Variants in RP1 observed in about 807,000 individuals in gnomAD.
The protein encoded by RP1 is oxygen-regulated protein 1.
RP1 carries 16 observed loss-of-function variants against 14.8 expected under a neutral mutation model. That is an observed-to-expected ratio of 1.08 (90% CI 0.73 to 1.65). The LOEUF is 1.65. Among genes scored for constraint, RP1 ranks in the 40% most tolerant of loss-of-function variants. RP1 has a pLI of 0.00. For synonymous variants in RP1, 876 were observed against 883.6 expected, an observed-to-expected ratio of 0.99 and a Z score of 0.15; for missense variants, 2,631 against 2,535.0, an observed-to-expected ratio of 1.04 and a Z score of -0.81.
intron 1 of RP1, among the ~76,000 whole-genome samples, chr8:54,600,188 T>C (rs776302977): frequency 6.6e-6 from 1 of 152,068 alleles, no homozygotes; most frequent in Non-Finnish European, 1.5e-5. Context: ...GTAAGTCTCA[T>C]GAGATCTGAT....
At chr8:54,864,356 G>C (rs142875906) in intron 27 of RP1, among the ~76,000 whole-genome samples, 2 of 152,178 alleles carry the variant, frequency 1.3e-5, no homozygotes, top group African/African-American at 4.8e-5. Context: ...TGCTTCCTCT[G>C]TATTATAAAT....
chr8:54,759,341 G>C (rs1379340704), intron 22 of RP1, among the ~76,000 whole-genome samples: 1 of 152,036 alleles, frequency 6.6e-6, no homozygotes, highest in Non-Finnish European at 1.5e-5. Context: ...GTTTAATACT[G>C]GAAATTATTA....
intron 25 of RP1, among the ~76,000 whole-genome samples, chr8:54,838,849 T>G (rs753208563): frequency 6.6e-6 from 1 of 152,182 alleles, no homozygotes; most frequent in Non-Finnish European, 1.5e-5. Context: ...TGATTGGCTG[T>G]GTCATGCAAG....
intron 1 of RP1, among the ~76,000 whole-genome samples, chr8:54,619,062 T>A (rs1015443866): frequency 6.6e-6 from 1 of 152,184 alleles, no homozygotes; most frequent in Non-Finnish European, 1.5e-5. Flanking sequence ...GTTGACCAGA[T>A]GAGGATGAGA....
intron 15 of RP1, among the ~76,000 whole-genome samples, chr8:54,706,809 A>G (rs902026468): frequency 6.6e-6 from 1 of 152,188 alleles, no homozygotes; most frequent in Non-Finnish European, 1.5e-5. Context: ...GAGAGCAGCC[A>G]CATGCCTGGT....
Position 54,625,258 on chromosome 8 carries a change from A to C in RP1, c.1376A>C (p.Gln459Pro). ...PPTPGLRRVR[Q>P]KKSVIGSVTL... ...ACACCTGGACTAAGAAGAGTGAGAC[A>C]AAAGAAATCTGTGATTGGCAGTGTG... is the stretch of plus-strand genomic sequence containing the variant. The change falls in exon 4 of 4, where the codon CAA becomes CCA. Residue 459 changes from glutamine (Q) to proline (P), a missense_variant. Physicochemically the swap from Gln to Pro is moderately conservative, Grantham distance 76. Coordinates refer to ENST00000220676, the MANE Select transcript of RP1 (RefSeq NM_006269.2). The C allele has an allele frequency of 6.2e-7, 1 of 1,614,202 alleles. No homozygotes were observed. Among genetic ancestry groups the C allele is most frequent in the Non-Finnish European group, 8.5e-7 (1 of 1,180,042 alleles).
intron 1 of RP1, among the ~76,000 whole-genome samples, chr8:54,608,588 G>A (rs144513007): frequency 2.0e-5 from 3 of 152,234 alleles, no homozygotes; most frequent in African/African-American, 4.8e-5. Flanking sequence ...GAAAATTAGA[G>A]AACTCCTAGG....
At chr8:54,684,831 C>T (rs978375582) in intron 12 of RP1, among the ~76,000 whole-genome samples, 1 of 152,058 alleles carries the variant, frequency 6.6e-6, no homozygotes, top group Non-Finnish European at 1.5e-5. Context: ...GAGATCATGC[C>T]CTTTGCAGGG....
At position 54,868,404 on chromosome 8, in the gene RP1, G is replaced by A. The variant is rs184355751; in HGVS notation, c.4152-1439G>A. Among the ~76,000 whole-genome samples the A allele has an allele frequency of 1.8e-4, 27 of 152,210 alleles. No individual in the cohort carries two copies. The East Asian group carries it at 4.8e-3, about 27-fold the overall frequency. The stretch of plus-strand genomic sequence containing the variant: ...TGTTTTCCTTGCCTTTTCTCTCTGA[G>A]GACCCAGGGTTAAATAAGTATTAAA... On this transcript the variant is annotated intron_variant, in intron 28 of 28. Coordinates refer to the RP1 transcript ENST00000637698.
rs185844900 is a variant in RP1 at position 54,696,602 on chromosome 8, C to T, written c.1718-2865C>T. The T allele has an allele frequency of 3.1e-5, 23 of 750,344 alleles. No homozygotes were observed. The African/African-American group carries it at 3.7e-4, about 12-fold the overall frequency. The allele number at this position is 750,344 out of a possible 1,614,324, so 46.5% of individuals were successfully genotyped here. A position where few individuals can be genotyped will look rare whatever the true frequency, so the allele number is the denominator to read the frequency against. On this transcript the variant is annotated intron_variant, in intron 12 of 22. Transcript: ENST00000636932. ...GCAGCAGAAACGTGACAAAGTACGTCTCAGATGACCAGAAGTGAAACCTCA... is the reference window on the plus strand; with the variant it reads ...GCAGCAGAAACGTGACAAAGTACGTTTCAGATGACCAGAAGTGAAACCTCA...
At chr8:54,645,843 T>G (rs78535013) in intron 3 of RP1, among the ~76,000 whole-genome samples, 1,668 of 151,996 alleles carry the variant, frequency 0.011, 30 homozygotes, top group African/African-American at 0.038. Flanking sequence ...AAATTTATTG[T>G]TTTTTTTAGA....
chr8:54,651,386 CTTCTGTCCTAGG>C (rs1806652758), intron 4 of RP1, among the ~76,000 whole-genome samples: 1 of 151,690 alleles, frequency 6.6e-6, no homozygotes, highest in African/African-American at 2.4e-5. Context: ...CCAATGAAGC[CTTCTGTCCTAGG>C]TTTTTTTTTC....
intron 7 of RP1, among the ~76,000 whole-genome samples, chr8:54,664,977 C>T (rs1240228004): frequency 6.6e-6 from 1 of 152,108 alleles, no homozygotes; most frequent in Non-Finnish European, 1.5e-5. Flanking sequence ...CATGTACTGC[C>T]TGAATCTAAA....
intron 14 of RP1, among the ~76,000 whole-genome samples, chr8:54,705,453 T>C (rs1318254993): frequency 2.0e-5 from 3 of 152,190 alleles, no homozygotes; most frequent in Admixed American, 1.3e-4. Flanking sequence ...TCAGAGTCTT[T>C]ATTGGGCTTC....
intron 24 of RP1, among the ~76,000 whole-genome samples, chr8:54,794,810 A>G (rs1489205190): frequency 6.6e-6 from 1 of 152,096 alleles, no homozygotes; most frequent in Non-Finnish European, 1.5e-5. Context: ...ATGAAATGGG[A>G]ATGGGAGAAA....
At chr8:54,710,789 C>G (rs563396135) in intron 15 of RP1, among the ~76,000 whole-genome samples, 48 of 152,308 alleles carry the variant, frequency 3.2e-4, no homozygotes, top group Non-Finnish European at 5.9e-4. Flanking sequence ...TGCTTATCCT[C>G]TCTACCGACT....
At chr8:54,722,276 G>T (rs7813251) in intron 16 of RP1, among the ~76,000 whole-genome samples, 60,411 of 129,558 alleles carry the variant, frequency 0.47, 14,081 homozygotes, top group Middle Eastern at 0.6. Context: ...TTTTTTTTTT[G>T]TGTGTGTGTG....
At chr8:54,776,035 T>C (rs1168057923) in intron 23 of RP1, among the ~76,000 whole-genome samples, 1 of 151,938 alleles carries the variant, frequency 6.6e-6, no homozygotes, top group East Asian at 1.9e-4. Context: ...ACCCAAACAA[T>C]AAAAAATAAC....
chr8:54,677,740 A>AC (rs1807325248), intron 8 of RP1, among the ~76,000 whole-genome samples: 1 of 152,118 alleles, frequency 6.6e-6, no homozygotes, highest in African/African-American at 2.4e-5. Flanking sequence ...ACATATACAA[A>AC]TAAAAAATAA....
Sources: allele counts gnomAD v4.1 joint callset (sites outside exome capture counted in the v4.1 genomes callset), GRCh38; gene constraint gnomAD v4.1.1; transcripts MANE v1.5; gene names NCBI Gene and HGNC (gene_info 2026-07-23, HGNC 2026-07-21).